FOXN3: variants seen among roughly 807,000 people sequenced by gnomAD.
FOXN3 encodes the protein forkhead box N3.
FOXN3 carries 7 observed loss-of-function variants against 38.4 expected under a neutral mutation model. That is an observed-to-expected ratio of 0.18 (90% CI 0.10 to 0.34). The LOEUF (loss-of-function observed/expected upper bound fraction) is 0.34, where lower values mean the gene tolerates loss of function less well. FOXN3 is among the 10% of genes least tolerant of loss of function. FOXN3 has a pLI of 1.00. For synonymous variants in FOXN3, 230 were observed against 242.2 expected, an observed-to-expected ratio of 0.95 and a Z score of 0.47; for missense variants, 456 against 613.4, an observed-to-expected ratio of 0.74 and a Z score of 2.71.
chr14:89,355,208 A>T (rs539536821), intron 2 of FOXN3: 148 of 151,386 alleles, frequency 9.8e-4, no homozygotes, highest in African/African-American at 3.4e-3. Flanking sequence ...AATGTAAAAA[A>T]AAAAAAAAAA....
intron 4 of FOXN3, among the ~76,000 whole-genome samples, chr14:89,222,305 A>C (rs1021950887): frequency 6.6e-6 from 1 of 152,234 alleles, no homozygotes; most frequent in Non-Finnish European, 1.5e-5. Context: ...AACATCTGTC[A>C]GCGTTGCCTG....
intron 2 of FOXN3, among the ~76,000 whole-genome samples, chr14:89,390,313 C>CTCTCTA (rs369892007): frequency 7.7e-5 from 11 of 143,550 alleles, no homozygotes; most frequent in Non-Finnish European, 1.7e-4. Flanking sequence ...CTCTCTCTCT[C>CTCTCTA]TATATATATA....
At chr14:89,307,070 C>T (rs184339513) in intron 3 of FOXN3, among the ~76,000 whole-genome samples, 66 of 152,210 alleles carry the variant, frequency 4.3e-4, no homozygotes, top group African/African-American at 1.1e-3. Context: ...ACTTTAAACG[C>T]GACCAAAACA....
chr14:89,402,411 T>A (rs1891273341), intron 2 of FOXN3, among the ~76,000 whole-genome samples: 1 of 152,226 alleles, frequency 6.6e-6, no homozygotes. Context: ...TTCCAACACA[T>A]CCCTGGGGTC....
intron 1 of FOXN3, among the ~76,000 whole-genome samples, chr14:89,607,817 CTT>C (rs112564229): frequency 4.7e-4 from 69 of 146,988 alleles, no homozygotes; most frequent in Non-Finnish European, 8.0e-4. Context: ...TACATGCTAT[CTT>C]TTTTTTTTTT....
At chr14:89,204,568 TC>T (rs139683328) in intron 4 of FOXN3, among the ~76,000 whole-genome samples, 2,300 of 152,294 alleles carry the variant, frequency 0.015, 58 homozygotes, top group African/African-American at 0.052. Context: ...GAAATAACCC[TC>T]ACATATTATC....
At chr14:89,168,039 CCCAAG>C (rs1383818921) in intron 5 of FOXN3, among the ~76,000 whole-genome samples, 1 of 152,156 alleles carries the variant, frequency 6.6e-6, no homozygotes, top group Non-Finnish European at 1.5e-5. Flanking sequence ...ATACTTTAAA[CCCAAG>C]CCACAAGGAA....
chr14:89,376,580 T>C (rs1246785053), intron 2 of FOXN3, among the ~76,000 whole-genome samples: 1 of 152,162 alleles, frequency 6.6e-6, no homozygotes, highest in African/African-American at 2.4e-5. Context: ...TATGTGCTCA[T>C]TGCCAAAAAC....
intron 4 of FOXN3, among the ~76,000 whole-genome samples, chr14:89,226,039 T>C (rs951254420): frequency 1.4e-5 from 2 of 144,764 alleles, no homozygotes; most frequent in Admixed American, 7.5e-5. Flanking sequence ...AGAGCAGCTT[T>C]ATTTCTAAAA....
intron 1 of FOXN3, among the ~76,000 whole-genome samples, chr14:89,602,528 G>A (rs994780330): frequency 1.4e-4 from 21 of 150,944 alleles, no homozygotes; most frequent in African/African-American, 5.1e-4. Context: ...ATGGAGTCTC[G>A]CTCTGTCGCC....
At chr14:89,337,365 T>G (rs1888492595) in intron 3 of FOXN3, among the ~76,000 whole-genome samples, 1 of 152,132 alleles carries the variant, frequency 6.6e-6, no homozygotes, top group Admixed American at 6.5e-5. Context: ...GGAAAAAAAC[T>G]AATGAGTGAC....
intron 3 of FOXN3, among the ~76,000 whole-genome samples, chr14:89,333,799 A>C (rs1888340774): frequency 6.7e-6 from 1 of 149,954 alleles, no homozygotes; most frequent in African/African-American, 2.5e-5. Context: ...AAGATCCAGC[A>C]ATTCCACTTC....
At position 89,164,041 on chromosome 14, in the gene FOXN3, C is replaced by T. The variant is rs780134281; in HGVS notation, c.852-1072G>A. Among the ~76,000 whole-genome samples the T allele has an allele frequency of 3.3e-5, 5 of 152,244 alleles. No individual in the cohort carries two copies. Among genetic ancestry groups the T allele is most frequent in the Non-Finnish European group, 7.3e-5 (5 of 68,048 alleles). On this transcript the variant is annotated intron_variant, in intron 5 of 5. Transcript: ENST00000557258. This position sits in a 1 kb window ranked among gnomAD's most constrained non-coding sequence, Gnocchi z 4.3. ...CTTATCGCGAAAGTGGGAATAGTAA[C>T]TACACCTGCTCCCCGTGGGTGTGGG...
chr14:89,263,341 TG>T (rs1271462475), intron 4 of FOXN3, among the ~76,000 whole-genome samples: 1 of 152,028 alleles, frequency 6.6e-6, no homozygotes, highest in African/African-American at 2.4e-5. Context: ...CCTAACTCTC[TG>T]GCAATGAATT....
chr14:89,235,982 G>A (rs1297832447), intron 4 of FOXN3, among the ~76,000 whole-genome samples: 1 of 152,256 alleles, frequency 6.6e-6, no homozygotes, highest in African/African-American at 2.4e-5. Flanking sequence ...AGCCCAGGCA[G>A]GTTAAGGAGT....
chr14:89,387,076 G>A (rs995319416), intron 2 of FOXN3, among the ~76,000 whole-genome samples: 4 of 152,136 alleles, frequency 2.6e-5, no homozygotes, highest in Admixed American at 1.3e-4. Flanking sequence ...GGCCAACATG[G>A]TGAAACCCCA....
At chr14:89,372,112 G>A (rs1395664898) in intron 2 of FOXN3, among the ~76,000 whole-genome samples, 1 of 151,882 alleles carries the variant, frequency 6.6e-6, no homozygotes, top group Non-Finnish European at 1.5e-5. Context: ...GATTATCCCA[G>A]AATTTCATTC....
At chr14:89,532,212 C>T (rs895217606) in intron 1 of FOXN3, among the ~76,000 whole-genome samples, 4 of 152,134 alleles carry the variant, frequency 2.6e-5, no homozygotes, top group Admixed American at 2.0e-4. Context: ...AAAAACAGCT[C>T]AATTTCAAAA....
intron 1 of FOXN3, among the ~76,000 whole-genome samples, chr14:89,538,096 T>C (rs1477079981): frequency 1.3e-5 from 2 of 152,244 alleles, no homozygotes; most frequent in Non-Finnish European, 2.9e-5. Flanking sequence ...AATGAGTTAC[T>C]GCAGCTTCTC....
Sources: gnomAD v4.1 joint callset for allele counts (sites outside exome capture counted in the v4.1 genomes callset) on GRCh38, gnomAD v4.1.1 for gene constraint, Gnocchi (gnomAD v3.1) non-coding constraint, MANE v1.5 for transcripts, NCBI Gene and HGNC (gene_info 2026-07-23, HGNC 2026-07-21) for gene names.